The following TANC1 variants were observed in gnomAD, a reference collection of about 807,000 sequenced individuals.
The protein encoded by TANC1 is protein TANC1.
A neutral mutation model predicts 149.7 loss-of-function variants in TANC1; 77 were observed. That is an observed-to-expected ratio of 0.51 (90% CI 0.43 to 0.62). TANC1 has a LOEUF of 0.62. Among genes scored for constraint, TANC1 ranks in the 20% least tolerant of loss-of-function variants. The pLI is 0.00. For synonymous variants in TANC1, 854 were observed against 925.0 expected, an observed-to-expected ratio of 0.92 and a Z score of 1.39; for missense variants, 1,985 against 2,321.8, an observed-to-expected ratio of 0.85 and a Z score of 2.98.
chr2:159,231,367 T>C lies in TANC1; in HGVS notation c.*355T>C, dbSNP rs1254530946. The stretch of plus-strand genomic sequence containing the variant: ...CTTAGAGAATAAATATGTCTATTGT[T>C]CAAGAGTAACAGGTTTAACTCATGA... On this transcript the variant is annotated 3_prime_UTR_variant, in exon 27 of 27. Transcript: ENST00000263635. The C allele has an allele frequency of 1.1e-5, 2 of 189,584 alleles. No individual in the cohort carries two copies. Among genetic ancestry groups the C allele is most frequent in the African/African-American group, 4.7e-5 (2 of 42,178 alleles). 11.7% of individuals were successfully genotyped at this position (189,584 alleles called of 1,614,324 possible).
intron 2 of TANC1, among the ~76,000 whole-genome samples, chr2:159,059,561 T>G (rs1295200185): frequency 6.6e-6 from 1 of 152,034 alleles, no homozygotes; most frequent in Non-Finnish European, 1.5e-5. Flanking sequence ...TCTTTACTTA[T>G]CACAATTATT....
At chr2:159,082,699 A>G (rs1487668608) in intron 3 of TANC1, among the ~76,000 whole-genome samples, 1 of 152,230 alleles carries the variant, frequency 6.6e-6, no homozygotes, top group Non-Finnish European at 1.5e-5. Context: ...ACTAGGAGAC[A>G]GAAGGGGGCA....
At position 159,136,192 on chromosome 2, in the gene TANC1, A is replaced by C; in HGVS notation, c.260-2A>C. Reference sequence around the variant, plus strand: ...GCCACACTCAGATCTTTCCCACTACAGGTCCCGTCAGGAAGCCCAAGTATG... The same window carrying C: ...GCCACACTCAGATCTTTCCCACTACCGGTCCCGTCAGGAAGCCCAAGTATG... On this transcript the variant is annotated splice_acceptor_variant, in intron 4 of 26. Transcript: ENST00000263635. LOFTEE classifies it high-confidence loss of function. 1 of 1,575,880 alleles carries C rather than the reference A, an allele frequency of 6.3e-7. No individual in the cohort carries two copies. The highest frequency in any genetic ancestry group is 8.7e-7 in the Non-Finnish European group (1 of 1,144,948).
At chr2:159,208,039 C>T (rs1409063757) in intron 19 of TANC1, among the ~76,000 whole-genome samples, 1 of 152,154 alleles carries the variant, frequency 6.6e-6, no homozygotes, top group Non-Finnish European at 1.5e-5. Flanking sequence ...TGATTTGGGG[C>T]AGATGATATA....
chr2:159,077,279 G>A (rs1028122340), intron 3 of TANC1, among the ~76,000 whole-genome samples: 3 of 152,056 alleles, frequency 2.0e-5, no homozygotes, highest in Admixed American at 2.0e-4. Flanking sequence ...AGTTTTGCTT[G>A]GTATCCTTGA....
At chr2:159,058,346 G>C (rs2041999962) in intron 2 of TANC1, among the ~76,000 whole-genome samples, 1 of 152,096 alleles carries the variant, frequency 6.6e-6, no homozygotes, top group South Asian at 2.1e-4. Flanking sequence ...CCATAAAGTT[G>C]GGAATTAGTA....
At chr2:159,013,917 G>A (rs896985954) in intron 2 of TANC1, among the ~76,000 whole-genome samples, 3 of 152,088 alleles carry the variant, frequency 2.0e-5, no homozygotes, top group Non-Finnish European at 2.9e-5. Context: ...CCTGGGCCTC[G>A]CTCCTTGACT....
chr2:159,088,275 A>C (rs2045157665), intron 3 of TANC1, among the ~76,000 whole-genome samples: 1 of 152,042 alleles, frequency 6.6e-6, no homozygotes, highest in Non-Finnish European at 1.5e-5. Context: ...ACCTGTGATA[A>C]TTTTTCTTAG....
intron 9 of TANC1, among the ~76,000 whole-genome samples, chr2:159,169,719 G>A (rs931001599): frequency 2.6e-5 from 4 of 152,118 alleles, no homozygotes; most frequent in South Asian, 2.1e-4. Flanking sequence ...TAGGCCAGGC[G>A]CGGTGGCTCA....
At chr2:159,115,132 A>G (rs555508360) in intron 4 of TANC1, among the ~76,000 whole-genome samples, 1 of 152,024 alleles carries the variant, frequency 6.6e-6, no homozygotes, top group Non-Finnish European at 1.5e-5. Context: ...TTGTGACCTC[A>G]CGGAGAAGAG....
At chr2:158,973,302 A>G (rs910001658) in intron 1 of TANC1, among the ~76,000 whole-genome samples, 1 of 152,084 alleles carries the variant, frequency 6.6e-6, no homozygotes, top group Non-Finnish European at 1.5e-5. Flanking sequence ...ACCTCAGCAC[A>G]CCTAGGGTTA....
In TANC1 at chr2:159,167,262, A is replaced by G. The variant is rs557330222; in HGVS notation, c.947-1988A>G. On this transcript the variant is annotated intron_variant, in intron 8 of 26. Coordinates refer to ENST00000263635, the MANE Select transcript of TANC1 (RefSeq NM_033394.3). ...ATGAATATGGCTGCCTGCCCCTTCTACCTGTGCCTTGGTGGGTGCATTCAC... is the reference window on the plus strand; with the variant it reads ...ATGAATATGGCTGCCTGCCCCTTCTGCCTGTGCCTTGGTGGGTGCATTCAC... 5.9e-5 allele frequency among the ~76,000 whole-genome samples: 9 copies of G among 152,196 alleles called. No individual in the cohort carries two copies. In the East Asian group the frequency reaches 1.4e-3, roughly 23 times the overall value.
intron 23 of TANC1, chr2:159,225,275 G>GTATCATT: frequency 3.9e-6 from 1 of 253,638 alleles, no homozygotes. Flanking sequence ...TAGGGTAGGA[G>GTATCATT]AGAGAAGCCA....
intron 19 of TANC1, among the ~76,000 whole-genome samples, chr2:159,200,117 G>A (rs1409597727): frequency 6.6e-6 from 1 of 152,288 alleles, no homozygotes; most frequent in South Asian, 2.1e-4. Context: ...CTTTTAAACA[G>A]TATAGGCTGC....
intron 7 of TANC1, among the ~76,000 whole-genome samples, chr2:159,155,912 G>A (rs1488228299): frequency 6.6e-6 from 1 of 151,920 alleles, no homozygotes; most frequent in East Asian, 1.9e-4. Flanking sequence ...AATTATCATG[G>A]GCTGACTTTT....
chr2:159,153,408 T>C (rs1317719326), intron 7 of TANC1, among the ~76,000 whole-genome samples: 2 of 152,224 alleles, frequency 1.3e-5, no homozygotes, highest in Non-Finnish European at 2.9e-5. Context: ...AGGAAGTGGC[T>C]GGTAAGTCCC....
intron 2 of TANC1, among the ~76,000 whole-genome samples, chr2:159,065,462 C>T (rs934235747): frequency 1.3e-5 from 2 of 152,166 alleles, no homozygotes. Flanking sequence ...TAATTAGTAA[C>T]ACCTGTAAAA....
rs189582623 is a variant in TANC1 at position 159,189,540 on chromosome 2, C to T, written c.2742+2516C>T. Among the ~76,000 whole-genome samples, 321 of 152,324 alleles carry T rather than the reference C, an allele frequency of 2.1e-3. 5 individuals carry two copies. Among genetic ancestry groups the T allele is most frequent in the Admixed American group, 0.019 (292 of 15,302 alleles). The stretch of plus-strand genomic sequence containing the variant: ...TGAGTGCTGTGCTAAATGCTTAATG[C>T]ACATATATATACATACACTTTTTTT... On this transcript the variant is annotated intron_variant, in intron 16 of 26. Coordinates refer to ENST00000263635, the MANE Select transcript of TANC1 (RefSeq NM_033394.3).
chr2:159,149,473 G>A (rs1362655262), intron 6 of TANC1: 19 of 638,838 alleles, frequency 3.0e-5, no homozygotes, highest in East Asian at 2.7e-4. Flanking sequence ...GAAGCAGAAC[G>A]TAAGAAAATG....
Sources: allele counts gnomAD v4.1 joint callset (sites outside exome capture counted in the v4.1 genomes callset), GRCh38; gene constraint gnomAD v4.1.1; transcripts MANE v1.5; gene names NCBI Gene and HGNC (gene_info 2026-07-23, HGNC 2026-07-21).